Variants in ATP6V1E1 observed in about 807,000 individuals in gnomAD.
ATP6V1E1 encodes the protein V-type proton ATPase subunit E 1.
A neutral mutation model predicts 35.2 loss-of-function variants in ATP6V1E1; 21 were observed. The ratio of observed to expected loss-of-function variants is 0.60; its 90% CI spans 0.42 to 0.86. The LOEUF (loss-of-function observed/expected upper bound fraction) is 0.86. Among genes scored for constraint, ATP6V1E1 ranks in the 40% least tolerant of loss-of-function variants. The probability of loss-of-function intolerance (pLI) is 0.00; values close to 1 mark genes in which losing one functional copy is unlikely to be tolerated. For synonymous variants in ATP6V1E1, 83 were observed against 87.8 expected (o/e 0.95, Z 0.30); for missense variants, 183 against 272.6 (o/e 0.67, Z 2.32).
chr22:17,594,280 A>G (rs547436297), intron 8 of ATP6V1E1, among the ~76,000 whole-genome samples: 1 of 152,176 alleles, frequency 6.6e-6, no homozygotes. Context: ...TCAGCACCTT[A>G]CATGTAGTAA....
At chr22:17,605,693 CTTTTTTTTT>C (rs3044548) in intron 4 of ATP6V1E1, among the ~76,000 whole-genome samples, 10 of 103,998 alleles carry the variant, frequency 9.6e-5, no homozygotes, top group South Asian at 3.5e-4. Flanking sequence ...AGATGTTTCT[CTTTTTTTTT>C]TTTTTTTTTT....
chr22:17,595,847 G>A (rs1481122720), intron 7 of ATP6V1E1, among the ~76,000 whole-genome samples: 1 of 151,172 alleles, frequency 6.6e-6, no homozygotes, highest in Non-Finnish European at 1.5e-5. Flanking sequence ...AACAAAAAAA[G>A]AGGCTGGGTG....
Position 17,592,648 on chromosome 22 carries a change from G to C in ATP6V1E1, c.*26C>G, listed in dbSNP as rs769997156. The C allele has an allele frequency of 6.2e-7, 1 of 1,610,334 alleles. No individual in the cohort carries two copies. Among genetic ancestry groups the C allele is most frequent in the Non-Finnish European group, 8.5e-7 (1 of 1,176,542 alleles). ...GCTTCCACATCACAGCAGGAGAGCTGACGACGAGCTCCACCTCCTGAAGGC... is the reference window on the plus strand; with the variant it reads ...GCTTCCACATCACAGCAGGAGAGCTCACGACGAGCTCCACCTCCTGAAGGC... On this transcript the variant is annotated 3_prime_UTR_variant, in exon 9 of 9. Transcript: ENST00000253413.
At chr22:17,627,744 C>A (rs1388140603) in intron 1 of ATP6V1E1, among the ~76,000 whole-genome samples, 1 of 149,464 alleles carries the variant, frequency 6.7e-6, no homozygotes, top group Non-Finnish European at 1.5e-5. Flanking sequence ...TCACTTGAAC[C>A]CGGGGCGGAG....
At chr22:17,614,560 T>C (rs1172966591) in intron 2 of ATP6V1E1, among the ~76,000 whole-genome samples, 7 of 150,730 alleles carry the variant, frequency 4.6e-5, no homozygotes, top group Non-Finnish European at 1.5e-5. Context: ...TAATCCCAGA[T>C]ACTCAAGAGG....
At chr22:17,620,838 C>G (rs2057872810) in intron 1 of ATP6V1E1, among the ~76,000 whole-genome samples, 1 of 152,002 alleles carries the variant, frequency 6.6e-6, no homozygotes, top group Non-Finnish European at 1.5e-5. Flanking sequence ...CCGAGGCGGG[C>G]GGATCACGAG....
intron 4 of ATP6V1E1, among the ~76,000 whole-genome samples, chr22:17,611,059 T>G (rs953838250): frequency 2.0e-5 from 3 of 152,204 alleles, no homozygotes; most frequent in Non-Finnish European, 4.4e-5. Context: ...AGTTGACATT[T>G]AAACTCATAG....
chr22:17,627,474 C>T (rs1462383560), intron 1 of ATP6V1E1, among the ~76,000 whole-genome samples: 1 of 151,752 alleles, frequency 6.6e-6, no homozygotes, highest in Non-Finnish European at 1.5e-5. Flanking sequence ...AGTGGGAGAC[C>T]AATCATTACA....
chr22:17,621,016 C>T (rs987348499), intron 1 of ATP6V1E1, among the ~76,000 whole-genome samples: 1 of 151,972 alleles, frequency 6.6e-6, no homozygotes, highest in South Asian at 2.1e-4. Context: ...GAGCCGAGAT[C>T]GCGCCACTGC....
intron 7 of ATP6V1E1, among the ~76,000 whole-genome samples, chr22:17,595,521 G>A (rs919752978): frequency 1.3e-5 from 2 of 152,188 alleles, no homozygotes; most frequent in Non-Finnish European, 2.9e-5. Context: ...ACGACTGCAT[G>A]TGTGTCTGAT....
chr22:17,625,866 TAAAAA>T (rs563941793), intron 1 of ATP6V1E1, among the ~76,000 whole-genome samples: 1,936 of 139,704 alleles, frequency 0.014, 35 homozygotes, highest in African/African-American at 0.048. Context: ...GTATGGCACT[TAAAAA>T]AAAAAAAAAA....
At chr22:17,626,325 AAAAG>A (rs767200159) in intron 1 of ATP6V1E1, among the ~76,000 whole-genome samples, 288 of 122,810 alleles carry the variant, frequency 2.3e-3, no homozygotes, top group African/African-American at 3.0e-3. Flanking sequence ...AAAAAAAAAA[AAAAG>A]AAAGAAAAGA....
intron 2 of ATP6V1E1, among the ~76,000 whole-genome samples, chr22:17,614,984 G>A (rs1330084260): frequency 6.6e-6 from 1 of 151,388 alleles, no homozygotes; most frequent in African/African-American, 2.4e-5. Flanking sequence ...TTTCCCTCAT[G>A]GGTAAGTGTC....
Position 17,601,092 on chromosome 22 carries a change from C to A in ATP6V1E1, c.366G>T (p.Gln122His), listed in dbSNP as rs1458589289. The A allele has an allele frequency of 6.2e-7, 1 of 1,612,254 alleles. No homozygotes were observed. Among genetic ancestry groups the A allele is most frequent in the Non-Finnish European group, 8.5e-7 (1 of 1,179,438 alleles). ...YQVLLDGLVL[Q>H]GLYQLLEPRM... The stretch of plus-strand genomic sequence containing the variant: ...CAGTAGATCTGGTCTATGAGGGTAC[C>A]TGGAGAACCAGTCCATCCAGCAGCA... Residue 122 changes from glutamine to histidine, a missense_variant and splice_region_variant, in exon 5 of 9, where the codon CAG (glutamine) becomes CAT (histidine). Transcript: ENST00000253413.
chr22:17,609,515 C>G (rs2057804466), intron 4 of ATP6V1E1, among the ~76,000 whole-genome samples: 1 of 128,160 alleles, frequency 7.8e-6, no homozygotes, highest in African/African-American at 3.1e-5. Context: ...GTCACCCAGG[C>G]TGGAGTGCAG....
intron 2 of ATP6V1E1, among the ~76,000 whole-genome samples, chr22:17,618,041 C>T (rs1213122874): frequency 6.6e-6 from 1 of 152,140 alleles, no homozygotes; most frequent in East Asian, 1.9e-4. Flanking sequence ...AACTCCTGAC[C>T]TCAGGTGATC....
chr22:17,622,726 G>A (rs995300445), intron 1 of ATP6V1E1, among the ~76,000 whole-genome samples: 4 of 152,172 alleles, frequency 2.6e-5, no homozygotes, highest in African/African-American at 4.8e-5. Flanking sequence ...AAGACCCTGG[G>A]AGGCCAAGGT....
chr22:17,622,974 A>G (rs541584886), intron 1 of ATP6V1E1, among the ~76,000 whole-genome samples: 4 of 152,208 alleles, frequency 2.6e-5, no homozygotes, highest in Non-Finnish European at 5.9e-5. Flanking sequence ...CTCAAAAAAA[A>G]CAAAACAAAA....
rs528059520 is a variant in ATP6V1E1, at chr22:17,602,715, C to G, written c.277-1534G>C. On this transcript the variant is annotated intron_variant, in intron 4 of 8. Transcript: ENST00000253413. ...GCTCCAAATGCAAAGATTCCAAATA[C>G]CAAGTGATAAATATAGTTTCTGTCT... 5.3e-5 allele frequency among the ~76,000 whole-genome samples: 8 copies of G among 152,202 alleles called. No individual in the cohort carries two copies. In the East Asian group the frequency reaches 1.4e-3, roughly 26 times the overall value.
Sources: gnomAD v4.1 joint callset for allele counts (sites outside exome capture counted in the v4.1 genomes callset) on GRCh38, gnomAD v4.1.1 for gene constraint, MANE v1.5 for transcripts, NCBI Gene and HGNC (gene_info 2026-07-23, HGNC 2026-07-21) for gene names.